CTNNA3: variants seen among roughly 807,000 people sequenced by gnomAD.
The protein encoded by CTNNA3 is catenin alpha 3, also known as catenin alpha-3.
CTNNA3 carries 76 observed loss-of-function variants against 95.7 expected under a neutral mutation model. The observed-to-expected ratio is 0.79, with a 90% confidence interval of 0.66 to 0.96. The LOEUF (loss-of-function observed/expected upper bound fraction) is 0.96. Ranked by LOEUF, CTNNA3 falls within the 40% of genes least tolerant of loss-of-function variation. The pLI is 0.00. For missense variants in CTNNA3, 1,191 were observed against 1,089.8 expected (o/e 1.09, Z -1.31); for synonymous variants, 431 against 374.4 (o/e 1.15, Z -1.74).
chr10:67,212,569 TTAAC>T (rs1589870797), intron 6 of CTNNA3, among the ~76,000 whole-genome samples: 1 of 151,964 alleles, frequency 6.6e-6, no homozygotes, highest in South Asian at 2.1e-4. Flanking sequence ...TTACTCAAAT[TTAAC>T]TATGAAGTTT....
At chr10:66,992,740 GAAGC>G (rs899219393) in intron 7 of CTNNA3, among the ~76,000 whole-genome samples, 2 of 151,890 alleles carry the variant, frequency 1.3e-5, no homozygotes, top group African/African-American at 2.4e-5. Flanking sequence ...TTCATAATGT[GAAGC>G]AAGAATCTAA....
chr10:66,144,768 G>A (rs568324206), intron 13 of CTNNA3, among the ~76,000 whole-genome samples: 127 of 152,268 alleles, frequency 8.3e-4, no homozygotes, highest in Admixed American at 2.3e-3. Context: ...GATTACAGGC[G>A]TGAGCCATGA....
chr10:67,577,832 C>A (rs955016811), intron 3 of CTNNA3, among the ~76,000 whole-genome samples: 1 of 150,992 alleles, frequency 6.6e-6, no homozygotes, highest in Non-Finnish European at 1.5e-5. Flanking sequence ...GTGAAGGTAT[C>A]TTTTTTATAT....
Position 66,146,801 on chromosome 10 carries a change from C to T in CTNNA3, c.1885-43552G>A, listed in dbSNP as rs142415235. On this transcript the variant is annotated intron_variant, in intron 13 of 17. Transcript: ENST00000433211. ...CAAACTCCTGAGCTCAAGCAATTCA[C>T]GCGCCTCAGCTTCCCAAAGTATTGG... is the stretch of plus-strand genomic sequence containing the variant. 1.5e-3 allele frequency among the ~76,000 whole-genome samples: 229 copies of T among 152,276 alleles called. 10 individuals are homozygous for T. The East Asian group carries it at 0.03, about 20-fold the overall frequency.
At chr10:66,224,787 C>A (rs2089178473) in intron 13 of CTNNA3, among the ~76,000 whole-genome samples, 1 of 152,080 alleles carries the variant, frequency 6.6e-6, no homozygotes, top group Admixed American at 6.6e-5. Flanking sequence ...AATTAAATGG[C>A]ATTATACACT....
Position 66,186,281 on chromosome 10 carries a change from A to AGAGTGT in CTNNA3, c.1885-83033_1885-83032insACACTC, listed in dbSNP as rs2086337893. Among the ~76,000 whole-genome samples, 5 of 149,550 alleles carry AGAGTGT rather than the reference A, an allele frequency of 3.3e-5. No homozygotes were observed. The South Asian group carries it at 1.1e-3, about 32-fold the overall frequency. On this transcript the variant is annotated intron_variant, in intron 13 of 17. Coordinates refer to ENST00000433211, the MANE Select transcript of CTNNA3 (RefSeq NM_013266.4). ...TCAATTAAAAACAAAATAAAATGTG[A>AGAGTGT]GTGTGTGTGTGTGTGTGTGTGTGAG...
intron 17 of CTNNA3, among the ~76,000 whole-genome samples, chr10:65,950,762 C>A (rs1348163707): frequency 2.0e-5 from 3 of 152,124 alleles, no homozygotes; most frequent in Non-Finnish European, 2.9e-5. Context: ...TAATATGGAA[C>A]TATTTGACAT....
intron 15 of CTNNA3, among the ~76,000 whole-genome samples, chr10:65,995,063 G>T (rs149151285): frequency 2.0e-5 from 3 of 149,664 alleles, no homozygotes; most frequent in African/African-American, 7.6e-5. Flanking sequence ...TGTCTTTTCT[G>T]ATTTTTTTTT....
At chr10:67,208,334 G>A (rs1904643) in intron 6 of CTNNA3, among the ~76,000 whole-genome samples, 7,007 of 146,896 alleles carry the variant, frequency 0.048, 211 homozygotes, top group South Asian at 0.11. Context: ...AGCCGAGATC[G>A]TGCCACTGCA....
chr10:66,686,643 A>G lies in CTNNA3; in HGVS notation c.1282-64859T>C, dbSNP rs72800749. On this transcript the variant is annotated intron_variant, in intron 9 of 17. Coordinates refer to ENST00000433211, the MANE Select transcript of CTNNA3 (RefSeq NM_013266.4). Reference sequence around the variant, plus strand: ...CATAGAAATAGGATACACAGATTTAAGTGGCATGAATGACATGTCTTCTCC... The same window carrying G: ...CATAGAAATAGGATACACAGATTTAGGTGGCATGAATGACATGTCTTCTCC... Among the ~76,000 whole-genome samples the G allele has an allele frequency of 5.6e-3, 856 of 152,320 alleles. 4 individuals carry two copies. Among genetic ancestry groups the G allele is most frequent in the Non-Finnish European group, 9.7e-3 (661 of 68,032 alleles).
intron 12 of CTNNA3, among the ~76,000 whole-genome samples, chr10:66,288,869 T>C (rs529997852): frequency 6.0e-4 from 92 of 152,220 alleles, no homozygotes; most frequent in Non-Finnish European, 1.0e-3. Context: ...CCCTGGGCTA[T>C]TGCAAAATTG....
intron 7 of CTNNA3, among the ~76,000 whole-genome samples, chr10:66,853,183 G>T (rs1426684684): frequency 2.6e-5 from 4 of 152,044 alleles, no homozygotes; most frequent in African/African-American, 9.7e-5. Flanking sequence ...TTGAACCATG[G>T]CCATGCTCTT....
At chr10:66,764,726 T>A (rs1839771052) in intron 9 of CTNNA3, among the ~76,000 whole-genome samples, 1 of 152,198 alleles carries the variant, frequency 6.6e-6, no homozygotes, top group East Asian at 1.9e-4. Context: ...TACAACCTGT[T>A]CCCATTTCTT....
intron 9 of CTNNA3, among the ~76,000 whole-genome samples, chr10:66,668,002 TACTC>T (rs1432508811): frequency 6.6e-6 from 1 of 152,196 alleles, no homozygotes; most frequent in Non-Finnish European, 1.5e-5. Context: ...AATAACAAAC[TACTC>T]ACTATCAAAT....
At chr10:67,355,955 G>A (rs1011579751) in intron 5 of CTNNA3, among the ~76,000 whole-genome samples, 2 of 152,024 alleles carry the variant, frequency 1.3e-5, no homozygotes, top group Admixed American at 1.3e-4. Flanking sequence ...GAGTATCAAA[G>A]TTCTATATCT....
At chr10:65,927,670 C>A (rs2077188157) in intron 17 of CTNNA3, among the ~76,000 whole-genome samples, 1 of 152,104 alleles carries the variant, frequency 6.6e-6, no homozygotes, top group South Asian at 2.1e-4. Context: ...ACATTTTATA[C>A]ATATACTGCA....
chr10:67,033,596 C>T (rs1009030356), intron 7 of CTNNA3, among the ~76,000 whole-genome samples: 5 of 152,156 alleles, frequency 3.3e-5, no homozygotes, highest in African/African-American at 1.2e-4. Context: ...ACTGTTCTAA[C>T]TACATATTGT....
chr10:67,743,189 G>A (rs971493121), intron 1 of CTNNA3, among the ~76,000 whole-genome samples: 2 of 151,190 alleles, frequency 1.3e-5, no homozygotes, highest in African/African-American at 4.8e-5. Flanking sequence ...GCCTGGCAGA[G>A]ACACAACCAA....
At chr10:67,369,181 T>A (rs1843324637) in intron 5 of CTNNA3, among the ~76,000 whole-genome samples, 1 of 152,130 alleles carries the variant, frequency 6.6e-6, no homozygotes, top group African/African-American at 2.4e-5. Context: ...ACTGATGCTG[T>A]AAGATGAATA....
Sources: allele counts gnomAD v4.1 joint callset (sites outside exome capture counted in the v4.1 genomes callset), GRCh38; gene constraint gnomAD v4.1.1; transcripts MANE v1.5; gene names NCBI Gene and HGNC (gene_info 2026-07-23, HGNC 2026-07-21).